The following CEP85L variants were observed in gnomAD, a reference collection of about 807,000 sequenced individuals.
CEP85L encodes the protein centrosomal protein 85L.
In CEP85L, 60 loss-of-function variants were observed where a neutral mutation model predicts 100.3. That is an observed-to-expected ratio of 0.60 (90% CI 0.49 to 0.74). The LOEUF is 0.74. Among genes scored for constraint, CEP85L ranks in the 30% least tolerant of loss-of-function variants. The pLI is 0.00. For missense variants in CEP85L, 973 were observed against 936.2 expected (o/e 1.04, Z -0.51); for synonymous variants, 319 against 322.7 (o/e 0.99, Z 0.12).
chr6:118,691,048 AGAGG>A (rs1777025234), intron 1 of CEP85L, among the ~76,000 whole-genome samples: 1 of 152,176 alleles, frequency 6.6e-6, no homozygotes, highest in South Asian at 2.1e-4. Context: ...ATAAAAAGAA[AGAGG>A]GAGAGACAGT....
In CEP85L at chr6:118,541,905, T is replaced by C. The variant is rs75036611; in HGVS notation, c.1021-17985A>G. Among the ~76,000 whole-genome samples the C allele has an allele frequency of 9.3e-4, 141 of 152,284 alleles. No individual in the cohort carries two copies. The East Asian group carries it at 0.025, about 27-fold the overall frequency. On this transcript the variant is annotated intron_variant, in intron 3 of 12. Coordinates refer to ENST00000368491, the MANE Select transcript of CEP85L (RefSeq NM_001042475.3). The stretch of plus-strand genomic sequence containing the variant: ...TTTCTCAAAGAAGTTTCTCTAATTA[T>C]AAGGAAATGTAACTGACCAAATCTT...
chr6:118,617,812 G>T (rs953548406), intron 2 of CEP85L, among the ~76,000 whole-genome samples: 7 of 152,168 alleles, frequency 4.6e-5, no homozygotes, highest in Non-Finnish European at 7.3e-5. Flanking sequence ...TAGTGAGCCA[G>T]CCAGGAGACT....
intron 1 of CEP85L, among the ~76,000 whole-genome samples, chr6:118,691,253 C>G (rs1777033638): frequency 6.6e-6 from 1 of 151,862 alleles, no homozygotes; most frequent in African/African-American, 2.4e-5. Flanking sequence ...CATCTCTAGG[C>G]CAGGCATGGT....
intron 2 of CEP85L, among the ~76,000 whole-genome samples, chr6:118,603,764 T>C (rs893679656): frequency 6.6e-6 from 1 of 152,232 alleles, no homozygotes; most frequent in Non-Finnish European, 1.5e-5. Flanking sequence ...TATTCTGATG[T>C]CATAATCTCC....
chr6:118,563,069 AG>A (rs1024058618), intron 3 of CEP85L, among the ~76,000 whole-genome samples: 6 of 152,134 alleles, frequency 3.9e-5, no homozygotes, highest in Admixed American at 6.5e-5. Context: ...TAGGGGTTGC[AG>A]GGGGTGGGTA....
chr6:118,565,856 T>C lies in CEP85L; in HGVS notation c.693A>G (p.Lys231=), dbSNP rs1461283445. The change falls in exon 3 of 13, where the codon AAA becomes AAG. Residue 231 remains lysine (K), a synonymous_variant. Transcript: ENST00000368491. ...KRSSTLDCKY[K]FESCSKEDFR... ...AGTCCTCCTTGCTACAGCTCTCAAA[T>C]TTATACTTGCAGTCCAGAGTTGATG... 6.8e-6 allele frequency: 11 copies of C among 1,613,976 alleles called. No homozygotes were observed. The highest frequency in any genetic ancestry group is 8.5e-6 in the Non-Finnish European group (10 of 1,180,032).
At chr6:118,682,073 ATTAC>A (rs139868837) in intron 1 of CEP85L, among the ~76,000 whole-genome samples, 13,994 of 152,066 alleles carry the variant, frequency 0.092, 1,183 homozygotes, top group African/African-American at 0.22. Context: ...GCCTGTTATA[ATTAC>A]TTCTAATCAT....
At chr6:118,612,346 T>A (rs1027594119) in intron 2 of CEP85L, among the ~76,000 whole-genome samples, 3 of 151,444 alleles carry the variant, frequency 2.0e-5, no homozygotes, top group African/African-American at 7.3e-5. Flanking sequence ...AGAGGAAAAT[T>A]TATAATAGCA....
chr6:118,593,370 AAAAAG>A lies in CEP85L; in HGVS notation c.233-27059_233-27055del, dbSNP rs530246054. ...TACCTGAAAAAGAATTTAAAAAAAA[AAAAAG>A]AAAAGAAAAGAAATATCGAGCCTGA... is the stretch of plus-strand genomic sequence containing the variant. On this transcript the variant is annotated intron_variant, in intron 2 of 12. Transcript: ENST00000368491. Among the ~76,000 whole-genome samples the A allele has an allele frequency of 8.5e-5, 13 of 152,130 alleles. No individual in the cohort carries two copies. The South Asian group carries it at 1.5e-3, about 17-fold the overall frequency.
intron 1 of CEP85L, chr6:118,709,980 A>G (rs547809061): frequency 6.6e-6 from 1 of 152,336 alleles, no homozygotes; most frequent in East Asian, 1.9e-4. Flanking sequence ...GTAGTTTGTC[A>G]TCATCTTTAA....
At chr6:118,573,304 T>C (rs1394461580) in intron 2 of CEP85L, among the ~76,000 whole-genome samples, 1 of 152,172 alleles carries the variant, frequency 6.6e-6, no homozygotes, top group Non-Finnish European at 1.5e-5. Context: ...GGTAAATAAC[T>C]GACATCCAAA....
At chr6:118,525,491 A>G (rs892146765) in intron 3 of CEP85L, among the ~76,000 whole-genome samples, 2 of 152,180 alleles carry the variant, frequency 1.3e-5, no homozygotes, top group Non-Finnish European at 2.9e-5. Context: ...GTGTCCCTAA[A>G]GAAAGGGGAA....
chr6:118,628,081 A>G (rs936925430), intron 2 of CEP85L, among the ~76,000 whole-genome samples: 1 of 152,082 alleles, frequency 6.6e-6, no homozygotes, highest in Non-Finnish European at 1.5e-5. Flanking sequence ...TTACCACCAC[A>G]TTACTAAAGG....
intron 1 of CEP85L, among the ~76,000 whole-genome samples, chr6:118,684,384 T>G (rs1243452987): frequency 1.3e-5 from 2 of 152,082 alleles, no homozygotes; most frequent in Non-Finnish European, 2.9e-5. Flanking sequence ...TGCCTGTTAA[T>G]TACTAGGGAG....
chr6:118,637,703 CA>C (rs11388747), intron 1 of CEP85L, among the ~76,000 whole-genome samples: 17 of 45,422 alleles, frequency 3.7e-4, no homozygotes, highest in South Asian at 3.5e-3. Context: ...AAGACTGTCT[CA>C]AAAAAAAAAA....
intron 1 of CEP85L, among the ~76,000 whole-genome samples, chr6:118,686,689 G>A (rs1776844258): frequency 6.6e-6 from 1 of 152,106 alleles, no homozygotes; most frequent in African/African-American, 2.4e-5. Flanking sequence ...TGTGTGTTGA[G>A]GTCTTTGTGT....
chr6:118,513,068 A>T (rs1457466988), intron 4 of CEP85L, among the ~76,000 whole-genome samples: 1 of 152,216 alleles, frequency 6.6e-6, no homozygotes, highest in Non-Finnish European at 1.5e-5. Flanking sequence ...ATGGTGATTA[A>T]AACATTAGAC....
At chr6:118,690,178 T>C (rs1283246744) in intron 1 of CEP85L, among the ~76,000 whole-genome samples, 1 of 152,220 alleles carries the variant, frequency 6.6e-6, no homozygotes, top group African/African-American at 2.4e-5. Flanking sequence ...TTTTCTACAC[T>C]TCTGGTGATT....
At chr6:118,538,193 T>C (rs1159640557) in intron 3 of CEP85L, among the ~76,000 whole-genome samples, 3 of 152,034 alleles carry the variant, frequency 2.0e-5, no homozygotes, top group East Asian at 1.9e-4. Context: ...CTTCCTATTA[T>C]ACTGAAGTCT....
Sources: gnomAD v4.1 joint callset for allele counts (sites outside exome capture counted in the v4.1 genomes callset) on GRCh38, gnomAD v4.1.1 for gene constraint, MANE v1.5 for transcripts, NCBI Gene and HGNC (gene_info 2026-07-23, HGNC 2026-07-21) for gene names.